The following STAU2 variants were observed in gnomAD, a reference collection of about 807,000 sequenced individuals.
The protein encoded by STAU2 is staufen double-stranded RNA binding protein 2.
In STAU2, 20 loss-of-function variants were observed where a neutral mutation model predicts 65.9. The ratio of observed to expected loss-of-function variants is 0.30; its 90% CI spans 0.21 to 0.44. The LOEUF (loss-of-function observed/expected upper bound fraction) is 0.44. STAU2 is among the 20% of genes least tolerant of loss of function. STAU2 has a pLI of 1.00. For synonymous variants in STAU2, 232 were observed against 233.9 expected (o/e 0.99, Z 0.07); for missense variants, 558 against 683.9 (o/e 0.82, Z 2.05).
At chr8:73,507,670 T>A (rs1260935030) in intron 13 of STAU2, among the ~76,000 whole-genome samples, 1 of 152,186 alleles carries the variant, frequency 6.6e-6, no homozygotes, top group Non-Finnish European at 1.5e-5. Context: ...CTTTGAAGCT[T>A]TGAATTCAAG....
chr8:73,688,826 T>C lies in STAU2; in HGVS notation c.115-13A>G. 6.2e-7 allele frequency: 1 copy of C among 1,608,114 alleles called. No homozygotes were observed. Among genetic ancestry groups the C allele is most frequent in the South Asian group, 1.1e-5 (1 of 90,506 alleles). ...GCACTGAGAACATCTTAGAAAAACA[T>C]AAATAGACAAAGAAAACATTAAGAC... is the stretch of plus-strand genomic sequence containing the variant. On this transcript the variant is annotated splice_polypyrimidine_tract_variant and intron_variant, in intron 4 of 14. Transcript: ENST00000524300.
At chr8:73,715,517 T>C (rs1470077793) in intron 3 of STAU2, among the ~76,000 whole-genome samples, 1 of 151,906 alleles carries the variant, frequency 6.6e-6, no homozygotes, top group Non-Finnish European at 1.5e-5. Flanking sequence ...TTTTCCCCTA[T>C]TAGACTGATA....
chr8:73,483,203 C>A (rs1820730678), intron 13 of STAU2, among the ~76,000 whole-genome samples: 1 of 151,808 alleles, frequency 6.6e-6, no homozygotes, highest in Non-Finnish European at 1.5e-5. Flanking sequence ...AATCACTTGG[C>A]CTGAAGGAAT....
At chr8:73,425,075 G>T (rs542890912) in intron 13 of STAU2, among the ~76,000 whole-genome samples, 1 of 152,168 alleles carries the variant, frequency 6.6e-6, no homozygotes, top group Non-Finnish European at 1.5e-5. Flanking sequence ...CTTCAGTGGG[G>T]TGGGAGCTGT....
chr8:73,721,626 CT>C (rs1327528626), intron 3 of STAU2, among the ~76,000 whole-genome samples: 4 of 152,158 alleles, frequency 2.6e-5, no homozygotes, highest in African/African-American at 9.7e-5. Flanking sequence ...ATTATGTCCT[CT>C]TAACTGACCT....
intron 4 of STAU2, among the ~76,000 whole-genome samples, chr8:73,705,674 G>A (rs558459396): frequency 6.6e-5 from 10 of 152,030 alleles, no homozygotes; most frequent in African/African-American, 2.4e-4. Context: ...TTGTTTCAGA[G>A]TTCAATTAAA....
chr8:73,688,524 G>GTC (rs1178057900), intron 5 of STAU2, 130 bp downstream of exon 5: 1 of 763,360 alleles, frequency 1.3e-6, no homozygotes, highest in Non-Finnish European at 2.2e-6. Context: ...GTGTGTGTGT[G>GTC]TGTGTGTAGG....
At chr8:73,483,774 G>A (rs545057828) in intron 13 of STAU2, among the ~76,000 whole-genome samples, 1 of 152,248 alleles carries the variant, frequency 6.6e-6, no homozygotes, top group South Asian at 2.1e-4. Flanking sequence ...AAGGCTCCAG[G>A]CCAGGTATGT....
intron 13 of STAU2, among the ~76,000 whole-genome samples, chr8:73,441,912 T>C (rs1049990825): frequency 1.4e-4 from 21 of 152,264 alleles, no homozygotes; most frequent in Admixed American, 3.3e-4. Context: ...GGACAAACTT[T>C]AATATTTTTT....
intron 13 of STAU2, among the ~76,000 whole-genome samples, chr8:73,481,875 G>A (rs1820651350): frequency 6.6e-6 from 1 of 152,042 alleles, no homozygotes; most frequent in African/African-American, 2.4e-5. Flanking sequence ...ACTCTATAGG[G>A]CAGCGCTTTT....
intron 13 of STAU2, among the ~76,000 whole-genome samples, chr8:73,529,778 A>G (rs1414550151): frequency 6.6e-6 from 1 of 152,222 alleles, no homozygotes; most frequent in African/African-American, 2.4e-5. Context: ...TAAAGGTGCA[A>G]GTTAGCACAC....
At chr8:73,521,783 G>A (rs1823055890) in intron 13 of STAU2, among the ~76,000 whole-genome samples, 1 of 152,164 alleles carries the variant, frequency 6.6e-6, no homozygotes, top group African/African-American at 2.4e-5. Context: ...AGTAGGTTAG[G>A]TGCATTAAAT....
chr8:73,556,463 T>C (rs1807772594), intron 12 of STAU2, among the ~76,000 whole-genome samples: 1 of 151,978 alleles, frequency 6.6e-6, no homozygotes, highest in South Asian at 2.1e-4. Flanking sequence ...GAAATTACTA[T>C]AAAAAATCTT....
At chr8:73,561,437 AT>A (rs1808221098) in intron 12 of STAU2, 3 of 430,050 alleles carry the variant, frequency 7.0e-6, no homozygotes, top group African/African-American at 4.1e-5. Flanking sequence ...GTCATCTTCA[AT>A]TTTTAGTTTA....
At chr8:73,565,587 T>C (rs765812574) in intron 12 of STAU2, among the ~76,000 whole-genome samples, 95 of 152,342 alleles carry the variant, frequency 6.2e-4, no homozygotes, top group Non-Finnish European at 8.5e-4. Context: ...TTTAATTGTG[T>C]GGTGGTAGGA....
At chr8:73,456,071 C>T (rs1212944695) in intron 13 of STAU2, among the ~76,000 whole-genome samples, 1 of 152,224 alleles carries the variant, frequency 6.6e-6, no homozygotes, top group African/African-American at 2.4e-5. Flanking sequence ...ATGGGACATG[C>T]TCTCCAGTGG....
chr8:73,434,873 C>T (rs1006470752), intron 13 of STAU2, among the ~76,000 whole-genome samples: 4 of 151,926 alleles, frequency 2.6e-5, no homozygotes, highest in African/African-American at 9.7e-5. Flanking sequence ...CTCTCTCAAT[C>T]AAAAGCCATT....
At chr8:73,634,685 C>T (rs1257037355) in intron 6 of STAU2, among the ~76,000 whole-genome samples, 1 of 152,188 alleles carries the variant, frequency 6.6e-6, no homozygotes, top group African/African-American at 2.4e-5. Flanking sequence ...TCTCTAGCCA[C>T]ACTAGTCTCC....
chr8:73,438,213 A>G (rs1185132687), intron 13 of STAU2, among the ~76,000 whole-genome samples: 1 of 152,092 alleles, frequency 6.6e-6, no homozygotes, highest in Non-Finnish European at 1.5e-5. Context: ...CTGACTCACT[A>G]CTGGGGTATG....
Sources: allele counts gnomAD v4.1 joint callset (sites outside exome capture counted in the v4.1 genomes callset), GRCh38; gene constraint gnomAD v4.1.1; transcripts MANE v1.5; gene names NCBI Gene and HGNC (gene_info 2026-07-23, HGNC 2026-07-21).